The following DIP2A variants were observed in gnomAD, a reference collection of about 807,000 sequenced individuals.
The protein encoded by DIP2A is DIP2 acetate--CoA ligase A, also known as disco-interacting protein 2 homolog A.
In DIP2A, 85 loss-of-function variants were observed where a neutral mutation model predicts 177.4. That is an observed-to-expected ratio of 0.48 (90% CI 0.40 to 0.57). DIP2A has a LOEUF of 0.57. Ranked by LOEUF, DIP2A falls within the 20% of genes least tolerant of loss-of-function variation. DIP2A has a pLI of 0.00. For missense variants in DIP2A, 1,791 were observed against 2,100.2 expected (o/e 0.85, Z 2.88); for synonymous variants, 886 against 881.8 (o/e 1.00, Z -0.08).
At chr21:46,551,799 G>A (rs2060282127) in intron 24 of DIP2A, 25 bp from the exon 25 acceptor site, 2 of 1,613,044 alleles carry the variant, frequency 1.2e-6, no homozygotes, top group African/African-American at 1.3e-5. Flanking sequence ...GGAGGCGCCA[G>A]TGAGCAAGTC....
At chr21:46,512,664 A>C (rs2058363939) in intron 8 of DIP2A, among the ~76,000 whole-genome samples, 1 of 149,550 alleles carries the variant, frequency 6.7e-6, no homozygotes, top group Admixed American at 6.6e-5. Context: ...AAAAGGTTTC[A>C]CTCTGTCACT....
chr21:46,466,652 T>G (rs912818974), intron 1 of DIP2A, among the ~76,000 whole-genome samples: 1 of 149,438 alleles, frequency 6.7e-6, no homozygotes, highest in Non-Finnish European at 1.5e-5. Flanking sequence ...GGCCACAACT[T>G]TTTTTTTTTA....
intron 5 of DIP2A, among the ~76,000 whole-genome samples, chr21:46,499,740 C>G (rs2057548331): frequency 6.6e-6 from 1 of 152,190 alleles, no homozygotes; most frequent in African/African-American, 2.4e-5. Context: ...CACATACACT[C>G]TTGCACAAGT....
intron 17 of DIP2A, among the ~76,000 whole-genome samples, chr21:46,540,197 C>A (rs1301501819): frequency 6.6e-6 from 1 of 152,154 alleles, no homozygotes; most frequent in African/African-American, 2.4e-5. Flanking sequence ...TGGATTCTTG[C>A]AGAATGCCGG....
intron 21 of DIP2A, 186 bp downstream of exon 21, chr21:46,547,228 CT>C: frequency 1.4e-6 from 2 of 1,388,186 alleles, no homozygotes; most frequent in Non-Finnish European, 1.9e-6. Context: ...AATATCCTTA[CT>C]GTCCAAAGAG....
chr21:46,467,579 G>C (rs571652399), intron 1 of DIP2A, among the ~76,000 whole-genome samples: 1 of 152,202 alleles, frequency 6.6e-6, no homozygotes, highest in Non-Finnish European at 1.5e-5. Flanking sequence ...CTATTGCCTA[G>C]TTTAATAATT....
chr21:46,547,658 T>C lies in DIP2A; in HGVS notation c.2522+616T>C, dbSNP rs1053414029. 3.8e-3 allele frequency among the ~76,000 whole-genome samples: 316 copies of C among 83,944 alleles called. 2 individuals are homozygous for C. Among genetic ancestry groups the C allele is most frequent in the African/African-American group, 0.014 (290 of 20,166 alleles). 55.1% of individuals were successfully genotyped at this position (83,944 alleles called of 152,430 possible). ...TTTTATTTTTCTCAAGGGGGTGCCTTTTTTTTTTTTTTTTTTTTTTTTTTA... is the reference window on the plus strand; with the variant it reads ...TTTTATTTTTCTCAAGGGGGTGCCTCTTTTTTTTTTTTTTTTTTTTTTTTA... On this transcript the variant is annotated intron_variant, in intron 21 of 37. Transcript: ENST00000417564.
intron 1 of DIP2A, chr21:46,462,621 A>T (rs2054417997): frequency 6.6e-6 from 1 of 152,200 alleles, no homozygotes; most frequent in Non-Finnish European, 1.5e-5. Flanking sequence ...ATTTTTATAT[A>T]TTGTCAAAAT....
chr21:46,486,314 C>T (rs1022197140), intron 2 of DIP2A, among the ~76,000 whole-genome samples: 1 of 152,166 alleles, frequency 6.6e-6, no homozygotes, highest in Non-Finnish European at 1.5e-5. Context: ...GAGCAGTCCT[C>T]TCACTTCAGC....
At chr21:46,522,506 G>T (rs2058865555) in intron 8 of DIP2A, among the ~76,000 whole-genome samples, 1 of 152,156 alleles carries the variant, frequency 6.6e-6, no homozygotes, top group African/African-American at 2.4e-5. Context: ...AAGGGAATCA[G>T]CCCATCCCCC....
At chr21:46,511,743 T>C in intron 8 of DIP2A, 129 bp downstream of exon 8, 1 of 989,550 alleles carries the variant, frequency 1.0e-6, no homozygotes, top group South Asian at 2.0e-5. Context: ...AAATAGAACA[T>C]TGACCTATAC....
chr21:46,465,719 TAAAC>T (rs146703702), intron 1 of DIP2A, among the ~76,000 whole-genome samples: 64 of 152,270 alleles, frequency 4.2e-4, no homozygotes, highest in African/African-American at 1.5e-3. Context: ...TGCTTTCACT[TAAAC>T]AGACCCTGAT....
chr21:46,474,352 A>G (rs922223813), intron 1 of DIP2A, among the ~76,000 whole-genome samples: 3 of 152,206 alleles, frequency 2.0e-5, no homozygotes, highest in African/African-American at 7.2e-5. Context: ...ATCAGCACAT[A>G]GATAGTAATT....
At chr21:46,564,185 G>A (rs2060762195) in intron 35 of DIP2A, among the ~76,000 whole-genome samples, 2 of 152,240 alleles carry the variant, frequency 1.3e-5, no homozygotes, top group Admixed American at 6.5e-5. Flanking sequence ...GCACTGACAG[G>A]TGAGAGGAGC....
chr21:46,538,470 CCT>C lies in DIP2A; in HGVS notation c.1802-6_1802-5del, dbSNP rs1214687448. ...TGTGACGCAGGGATGTCTGTGCCAT[CCT>C]CTCTCTGCAGCTCGGGCCGCGCTGG... On this transcript the variant is annotated splice_polypyrimidine_tract_variant and intron_variant, in intron 15 of 37. Transcript: ENST00000417564. 5.2e-6 allele frequency: 8 copies of C among 1,541,914 alleles called. No homozygotes were observed. The highest frequency in any genetic ancestry group is 6.1e-6 in the Non-Finnish European group (7 of 1,146,774).
chr21:46,510,345 C>T (rs902493459), intron 7 of DIP2A, among the ~76,000 whole-genome samples: 9 of 152,164 alleles, frequency 5.9e-5, no homozygotes, highest in African/African-American at 2.2e-4. Context: ...CTGCCTTTCC[C>T]AGTCCACTGA....
intron 5 of DIP2A, among the ~76,000 whole-genome samples, chr21:46,500,523 CAGT>C (rs1179810898): frequency 1.3e-5 from 2 of 152,158 alleles, no homozygotes; most frequent in African/African-American, 4.8e-5. Flanking sequence ...GGCAGGAAAA[CAGT>C]AGTTTTAAAT....
intron 5 of DIP2A, among the ~76,000 whole-genome samples, chr21:46,504,065 G>A (rs1465252568): frequency 6.6e-6 from 1 of 152,208 alleles, no homozygotes; most frequent in South Asian, 2.1e-4. Context: ...TCAGGCCATT[G>A]TGACAGGCAG....
In DIP2A at chr21:46,557,565, ACGAGC is replaced by A; in HGVS notation, c.3630-18_3630-14del. 1.3e-6 allele frequency: 2 copies of A among 1,594,212 alleles called. No homozygotes were observed. Among genetic ancestry groups the A allele is most frequent in the Non-Finnish European group, 1.7e-6 (2 of 1,165,608 alleles). On this transcript the variant is annotated splice_polypyrimidine_tract_variant and intron_variant, in intron 30 of 37. Coordinates refer to ENST00000417564, the MANE Select transcript of DIP2A (RefSeq NM_015151.4). This position sits in a 1 kb window ranked among gnomAD's most constrained non-coding sequence, Gnocchi z 6.0. ...GTGCTGGGTGGGCGGGCGGAGCCTC[ACGAGC>A]CTTCCCTCTCGCAGTGTCTACTCGG...
Sources: allele counts gnomAD v4.1 joint callset (sites outside exome capture counted in the v4.1 genomes callset), GRCh38; gene constraint gnomAD v4.1.1; non-coding constraint Gnocchi (gnomAD v3.1); transcripts MANE v1.5; gene names NCBI Gene and HGNC (gene_info 2026-07-23, HGNC 2026-07-21).